Variants in ANKRD46 observed in about 807,000 individuals in gnomAD.
The protein encoded by ANKRD46 is ankyrin repeat domain 46.
A neutral mutation model predicts 19.8 loss-of-function variants in ANKRD46; 13 were observed. That is an observed-to-expected ratio of 0.66 (90% CI 0.43 to 1.04). The LOEUF (loss-of-function observed/expected upper bound fraction) is 1.04. Ranked by LOEUF, ANKRD46 falls within the 50% of genes least tolerant of loss-of-function variation. ANKRD46 has a pLI of 0.00. For synonymous variants in ANKRD46, 91 were observed against 106.9 expected (o/e 0.85, Z 0.92); for missense variants, 185 against 274.8 (o/e 0.67, Z 2.31).
intron 1 of ANKRD46, among the ~76,000 whole-genome samples, chr8:100,553,842 A>C (rs1280123350): frequency 6.6e-6 from 1 of 152,238 alleles, no homozygotes; most frequent in African/African-American, 2.4e-5. Flanking sequence ...GGCTAGTTTT[A>C]ATATGTTTAC....
rs531142499 is a variant in ANKRD46 at position 100,525,242 on chromosome 8, T to C, written c.471-2471A>G. ...TAGCCAATCTCTTTAAACTTTTTCA[T>C]CTACATTTATTGAGACATAATTCAC... is the stretch of plus-strand genomic sequence containing the variant. On this transcript the variant is annotated intron_variant, in intron 4 of 4. Transcript: ENST00000335659. The surrounding 1 kb of genome is among the most constrained non-coding windows in gnomAD (Gnocchi z 4.4). Among the ~76,000 whole-genome samples, 22 of 152,336 alleles carry C rather than the reference T, an allele frequency of 1.4e-4. 1 individual carries two copies. Among genetic ancestry groups the C allele is most frequent in the African/African-American group, 5.3e-4 (22 of 41,584 alleles).
rs932542842 is a variant in ANKRD46, at chr8:100,510,471, G to T, written c.*106C>A. 1.9e-5 allele frequency: 21 copies of T among 1,092,916 alleles called. No homozygotes were observed. Among genetic ancestry groups the T allele is most frequent in the Admixed American group, 4.8e-5 (2 of 41,734 alleles). The allele number at this position is 1,092,916 out of a possible 1,614,324, so 67.7% of individuals were successfully genotyped here. A position where few individuals can be genotyped will look rare whatever the true frequency, so the allele number is the denominator to read the frequency against. On this transcript the variant is annotated 3_prime_UTR_variant, in exon 6 of 6. Coordinates refer to the ANKRD46 transcript ENST00000520552. This position sits in a 1 kb window ranked among gnomAD's most constrained non-coding sequence, Gnocchi z 4.9. Reference sequence around the variant, plus strand: ...GCAGAGCTTTGAGATGATGCTCCATGACACAAGTCGTGACGGAAACAGCCC... The same window carrying T: ...GCAGAGCTTTGAGATGATGCTCCATTACACAAGTCGTGACGGAAACAGCCC...
At chr8:100,551,631 C>CT in intron 1 of ANKRD46, 1 of 715,066 alleles carries the variant, frequency 1.4e-6, no homozygotes, top group Non-Finnish European at 2.5e-6. Context: ...ACAATATCCA[C>CT]TTTACTAGAG....
At chr8:100,553,215 A>G (rs1284360691) in intron 1 of ANKRD46, among the ~76,000 whole-genome samples, 2 of 152,232 alleles carry the variant, frequency 1.3e-5, no homozygotes, top group Non-Finnish European at 2.9e-5. Context: ...TTGTGGGAAA[A>G]CTTTTATAAG....
rs1812223899 is a variant in ANKRD46 at position 100,543,975 on chromosome 8, C to T, written c.-130-10664G>A. Among the ~76,000 whole-genome samples, 1 of 152,008 alleles carries T rather than the reference C, an allele frequency of 6.6e-6. No individual in the cohort carries two copies. Among genetic ancestry groups the T allele is most frequent in the African/African-American group, 2.4e-5 (1 of 41,378 alleles). On this transcript the variant is annotated intron_variant, in intron 1 of 4. Coordinates refer to ENST00000335659, the MANE Select transcript of ANKRD46 (RefSeq NM_001270377.2). The surrounding 1 kb of genome is among the most constrained non-coding windows in gnomAD (Gnocchi z 4.2). The stretch of plus-strand genomic sequence containing the variant: ...TAATTGAAATCATTTAAAGATTAAC[C>T]CAAGAGTTCTTAATGTCAAAGACCT...
downstream of ANKRD46, among the ~76,000 whole-genome samples, chr8:100,517,035 C>T (rs888030335): frequency 6.6e-6 from 1 of 152,196 alleles, no homozygotes; most frequent in African/African-American, 2.4e-5. Context: ...TTCAACCCTG[C>T]CTCAAATGCC....
In ANKRD46 at chr8:100,525,437, T is replaced by C. The variant is rs989591413; in HGVS notation, c.470+2408A>G. Reference sequence around the variant, plus strand: ...CCCCTTCTCCCAGCTTCTAGTCTACTTTCTCATCTACTTTCTGTCTCTATG... The same window carrying C: ...CCCCTTCTCCCAGCTTCTAGTCTACCTTCTCATCTACTTTCTGTCTCTATG... On this transcript the variant is annotated intron_variant, in intron 4 of 4. Transcript: ENST00000335659. This position sits in a 1 kb window ranked among gnomAD's most constrained non-coding sequence, Gnocchi z 4.4. Among the ~76,000 whole-genome samples the C allele has an allele frequency of 6.6e-6, 1 of 152,206 alleles. No homozygotes were observed. Among genetic ancestry groups the C allele is most frequent in the Non-Finnish European group, 1.5e-5 (1 of 68,030 alleles).
intron 5 of ANKRD46, among the ~76,000 whole-genome samples, chr8:100,515,656 G>A (rs117658870): frequency 0.049 from 7,322 of 150,096 alleles, 278 homozygotes; most frequent in Non-Finnish European, 0.073. Flanking sequence ...GCTGAGGTGC[G>A]GGGGAGGGGG....
At position 100,524,245 on chromosome 8, in the gene ANKRD46, C is replaced by G. The variant is rs1248074851; in HGVS notation, c.471-1474G>C. ...ATCATTTAGATTAAAGCCACCATAA[C>G]CATGATCATAGGAATCAACTATCTA... On this transcript the variant is annotated intron_variant, in intron 4 of 4. Coordinates refer to ENST00000335659, the MANE Select transcript of ANKRD46 (RefSeq NM_001270377.2). The surrounding 1 kb of genome is among the most constrained non-coding windows in gnomAD (Gnocchi z 4.3). Among the ~76,000 whole-genome samples the G allele has an allele frequency of 6.6e-6, 1 of 152,166 alleles. No individual in the cohort carries two copies. Among genetic ancestry groups the G allele is most frequent in the African/African-American group, 2.4e-5 (1 of 41,444 alleles).
At position 100,551,189 on chromosome 8, in the gene ANKRD46, T is replaced by C. The variant is rs575672384; in HGVS notation, c.-131+8522A>G. The C allele has an allele frequency of 1.1e-4, 50 of 441,446 alleles. 1 individual carries two copies. Among genetic ancestry groups the C allele is most frequent in the South Asian group, 7.5e-4 (39 of 51,814 alleles). The allele number at this position is 441,446 out of a possible 1,614,324, so 27.3% of individuals were successfully genotyped here. On this transcript the variant is annotated intron_variant, in intron 1 of 4. Transcript: ENST00000335659. ...TGGGCAGGAGTGGCAGCATGGATTG[T>C]GGTCACAAGTCCTTCCACAATGCCA... is the stretch of plus-strand genomic sequence containing the variant.
chr8:100,527,972 C>T lies in ANKRD46; in HGVS notation c.343G>A (p.Ala115Thr). 6.2e-7 allele frequency: 1 copy of T among 1,601,686 alleles called. No homozygotes were observed. Among genetic ancestry groups the T allele is most frequent in the Non-Finnish European group, 8.5e-7 (1 of 1,175,650 alleles). ...NHQGATPLVL[A>T]KRRGVNKDVI... ...TCTTTATTTACTCCTCTGCGCTTTG[C>T]CAGAACTAAAGGGGTAGCACCTTGA... The change falls in exon 4 of 5, where the codon GCA becomes ACA. Residue 115 changes from alanine (A) to threonine (T), a missense_variant. Transcript: ENST00000335659. The surrounding 1 kb of genome is among the most constrained non-coding windows in gnomAD (Gnocchi z 4.0).
chr8:100,554,158 T>C (rs994620622), intron 1 of ANKRD46, among the ~76,000 whole-genome samples: 1 of 152,214 alleles, frequency 6.6e-6, no homozygotes, highest in African/African-American at 2.4e-5. Flanking sequence ...TTGGTGTATA[T>C]CTCCTGCTTA....
At chr8:100,519,438 T>G (rs1460663276), downstream of ANKRD46, among the ~76,000 whole-genome samples, 1 of 152,206 alleles carries the variant, frequency 6.6e-6, no homozygotes, top group Non-Finnish European at 1.5e-5. Context: ...AGATTCTGGA[T>G]GATGTCACCC....
In ANKRD46 at chr8:100,514,617, C is replaced by CTTTTTTTTTTTTTTTTTTTTT. The variant is rs35216029; in HGVS notation, c.637-3999_637-3979dup. 5.4e-5 allele frequency among the ~76,000 whole-genome samples: 4 copies of CTTTTTTTTTTTTTTTTTTTTT among 74,062 alleles called. 1 individual carries two copies. The highest frequency in any genetic ancestry group is 2.2e-4 in the African/African-American group (4 of 17,842). 48.6% of individuals were successfully genotyped at this position (74,062 alleles called of 152,430 possible). ...TGAGTGTGGGTTATTCCTCCATCTT[C>CTTTTTTTTTTTTTTTTTTTTT]TTTTTTTTTTTTTTTTTTTTTTGAG... On this transcript the variant is annotated intron_variant, in intron 5 of 5. Coordinates refer to the ANKRD46 transcript ENST00000520552.
At chr8:100,530,084 A>G (rs1437238526) in intron 2 of ANKRD46, among the ~76,000 whole-genome samples, 2 of 152,220 alleles carry the variant, frequency 1.3e-5, no homozygotes, top group Admixed American at 1.3e-4. Flanking sequence ...ATTACTGTAA[A>G]GCTCTATTTT....
rs1306106281 is a variant in ANKRD46, at chr8:100,534,061, G to A, written c.-130-750C>T. ...CACAAAAATAGCAATATTAGTTCAT[G>A]AAACAAACATTCACTGTGTGCCTGC... On this transcript the variant is annotated intron_variant, in intron 1 of 4. Transcript: ENST00000335659. This position sits in a 1 kb window ranked among gnomAD's most constrained non-coding sequence, Gnocchi z 4.2. Among the ~76,000 whole-genome samples, 1 of 152,206 alleles carries A rather than the reference G, an allele frequency of 6.6e-6. No homozygotes were observed. Among genetic ancestry groups the A allele is most frequent in the African/African-American group, 2.4e-5 (1 of 41,454 alleles).
chr8:100,515,087 TTTTTTGTTTTTG>T (rs573843449), intron 5 of ANKRD46, among the ~76,000 whole-genome samples: 1 of 152,164 alleles, frequency 6.6e-6, no homozygotes, highest in Non-Finnish European at 1.5e-5. Flanking sequence ...CAGTAAATGT[TTTTTTGTTTTTG>T]TTTTTGTTTT....
intron 1 of ANKRD46, among the ~76,000 whole-genome samples, chr8:100,542,222 A>G (rs1812188105): frequency 6.6e-6 from 1 of 152,198 alleles, no homozygotes; most frequent in Admixed American, 6.5e-5. Flanking sequence ...TTTATGGCCT[A>G]GGTAAAACCT....
Position 100,532,857 on chromosome 8 carries a change from G to A in ANKRD46, c.-28+352C>T, listed in dbSNP as rs139337081. 5.8e-4 allele frequency among the ~76,000 whole-genome samples: 88 copies of A among 152,252 alleles called. No individual in the cohort carries two copies. Among genetic ancestry groups the A allele is most frequent in the Non-Finnish European group, 9.7e-4 (66 of 68,016 alleles). ...CAAAATGAAATGCCACATATCAAGT[G>A]CTTTTCAAAAGGTAATGTGTTTTGG... On this transcript the variant is annotated intron_variant, in intron 2 of 4. Transcript: ENST00000335659. The surrounding 1 kb of genome is among the most constrained non-coding windows in gnomAD (Gnocchi z 4.7).
Sources: allele counts gnomAD v4.1 joint callset (sites outside exome capture counted in the v4.1 genomes callset), GRCh38; gene constraint gnomAD v4.1.1; non-coding constraint Gnocchi (gnomAD v3.1); transcripts MANE v1.5; gene names NCBI Gene and HGNC (gene_info 2026-07-23, HGNC 2026-07-21).